The following RAD51B variants were observed in gnomAD, a reference collection of about 807,000 sequenced individuals.
The protein encoded by RAD51B is DNA repair protein RAD51 homolog 2.
A neutral mutation model predicts 42.2 loss-of-function variants in RAD51B; 38 were observed. The observed-to-expected ratio is 0.90, with a 90% CI of 0.70 to 1.18. RAD51B has a LOEUF of 1.18. Ranked by LOEUF, RAD51B falls within the 50% of genes most tolerant of loss-of-function variation. RAD51B has a pLI of 0.00. For missense variants in RAD51B, 373 were observed against 400.7 expected, an observed-to-expected ratio of 0.93 and a Z score of 0.59; for synonymous variants, 154 against 145.2, an observed-to-expected ratio of 1.06 and a Z score of -0.43.
intron 7 of RAD51B, among the ~76,000 whole-genome samples, chr14:68,235,703 CAAAAAAAAAAAAAA>C (rs57180468): frequency 3.6e-4 from 5 of 14,042 alleles, no homozygotes; most frequent in East Asian, 2.9e-3. Flanking sequence ...GACTCCGTCT[CAAAAAAAAAAAAAA>C]AAAAAAAAAA....
At chr14:68,154,301 T>G (rs544326725) in intron 7 of RAD51B, among the ~76,000 whole-genome samples, 46 of 152,342 alleles carry the variant, frequency 3.0e-4, no homozygotes, top group African/African-American at 1.1e-3. Context: ...AATTTAAAGC[T>G]AATCATTCCC....
intron 8 of RAD51B, among the ~76,000 whole-genome samples, chr14:68,318,797 G>C (rs2082108497): frequency 6.6e-6 from 1 of 152,120 alleles, no homozygotes; most frequent in Non-Finnish European, 1.5e-5. Context: ...AGAAAATGCT[G>C]TTTCATCTGG....
chr14:68,033,147 A>G (rs540500449), intron 7 of RAD51B, among the ~76,000 whole-genome samples: 2 of 152,282 alleles, frequency 1.3e-5, no homozygotes, highest in South Asian at 4.1e-4. Flanking sequence ...CTCTACCACA[A>G]TGCCTGGCCT....
At chr14:68,333,109 C>G (rs2139808779) in intron 8 of RAD51B, among the ~76,000 whole-genome samples, 1 of 152,332 alleles carries the variant, frequency 6.6e-6, no homozygotes, top group South Asian at 2.1e-4. Context: ...TCTGCATATA[C>G]TGCTCTGCTA....
chr14:68,290,897 G>C, intron 7 of RAD51B, among the ~76,000 whole-genome samples: 1 of 151,916 alleles, frequency 6.6e-6, no homozygotes, highest in Non-Finnish European at 1.5e-5. Context: ...ACCTCGGCCT[G>C]CCGGGTTCAA....
At chr14:68,153,333 A>G (rs1238281580) in intron 7 of RAD51B, among the ~76,000 whole-genome samples, 1 of 152,220 alleles carries the variant, frequency 6.6e-6, no homozygotes, top group Non-Finnish European at 1.5e-5. Context: ...TCCAGTGGTT[A>G]TCCTTTCCAG....
chr14:68,493,909 G>T (rs1299775770), intron 10 of RAD51B, among the ~76,000 whole-genome samples: 1 of 152,158 alleles, frequency 6.6e-6, no homozygotes, highest in African/African-American at 2.4e-5. Context: ...ATTCTTTTCA[G>T]AGACTCTCTC....
chr14:68,636,987 C>G (rs973153613), intron 10 of RAD51B, among the ~76,000 whole-genome samples: 1 of 152,236 alleles, frequency 6.6e-6, no homozygotes, highest in African/African-American at 2.4e-5. Context: ...ACTTATAATT[C>G]TTGACATTCT....
At chr14:67,950,582 G>T (rs1438074672) in intron 7 of RAD51B, among the ~76,000 whole-genome samples, 5 of 152,126 alleles carry the variant, frequency 3.3e-5, no homozygotes. Flanking sequence ...TAGCATTTGT[G>T]TGTTCACTGG....
intron 7 of RAD51B, among the ~76,000 whole-genome samples, chr14:68,260,368 A>C (rs1196310255): frequency 2.7e-5 from 3 of 112,460 alleles, no homozygotes; most frequent in South Asian, 5.8e-4. Flanking sequence ...TAATTACCTC[A>C]CAAGTTTCAT....
intron 3 of RAD51B, among the ~76,000 whole-genome samples, chr14:67,834,093 C>A (rs2041149099): frequency 6.6e-6 from 1 of 152,158 alleles, no homozygotes; most frequent in Admixed American, 6.5e-5. Context: ...GAGCTGCATT[C>A]TCTCCAGAGG....
intron 7 of RAD51B, among the ~76,000 whole-genome samples, chr14:68,288,703 A>G (rs1385178786): frequency 1.3e-5 from 2 of 152,224 alleles, no homozygotes; most frequent in African/African-American, 4.8e-5. Context: ...TGGAGCATAC[A>G]GTACCTTTAT....
intron 7 of RAD51B, among the ~76,000 whole-genome samples, chr14:68,016,517 CTTTGT>C (rs1452178135): frequency 6.6e-6 from 1 of 152,154 alleles, no homozygotes; most frequent in African/African-American, 2.4e-5. Context: ...TATTTATTAT[CTTTGT>C]TTTAATATAA....
chr14:68,081,572 A>AT (rs2076912555), intron 7 of RAD51B, among the ~76,000 whole-genome samples: 1 of 152,248 alleles, frequency 6.6e-6, no homozygotes, highest in South Asian at 2.1e-4. Flanking sequence ...AGCATGTTGA[A>AT]TTATGAAGGA....
chr14:67,856,219 G>T (rs576385691), intron 4 of RAD51B, among the ~76,000 whole-genome samples: 1 of 152,116 alleles, frequency 6.6e-6, no homozygotes, highest in East Asian at 1.9e-4. Context: ...TTCCAAAACG[G>T]CAGCTGTCAA....
At chr14:68,029,409 C>G (rs1354745757) in intron 7 of RAD51B, among the ~76,000 whole-genome samples, 1 of 152,194 alleles carries the variant, frequency 6.6e-6, no homozygotes, top group South Asian at 2.1e-4. Context: ...GTGTTCACAG[C>G]TTCTTCGCCA....
intron 7 of RAD51B, among the ~76,000 whole-genome samples, chr14:67,957,107 A>C (rs918606185): frequency 1.3e-5 from 2 of 152,240 alleles, no homozygotes; most frequent in Non-Finnish European, 2.9e-5. Context: ...ATAAGATAGA[A>C]TGTGATAAGC....
chr14:68,637,514 T>C (rs1037414188), intron 10 of RAD51B, among the ~76,000 whole-genome samples: 4 of 152,168 alleles, frequency 2.6e-5, no homozygotes, highest in Non-Finnish European at 5.9e-5. Context: ...AGCGAGATGG[T>C]GGTCTTTGTA....
intron 10 of RAD51B, among the ~76,000 whole-genome samples, chr14:68,575,761 G>A (rs1249470755): frequency 6.6e-6 from 1 of 152,206 alleles, no homozygotes; most frequent in Non-Finnish European, 1.5e-5. Context: ...CACCAACATA[G>A]CTTCAAAAGA....
Sources: allele counts gnomAD v4.1 joint callset (sites outside exome capture counted in the v4.1 genomes callset), GRCh38; gene constraint gnomAD v4.1.1; transcripts MANE v1.5; gene names NCBI Gene and HGNC (gene_info 2026-07-23, HGNC 2026-07-21).